Variants in NOX4 observed in about 807,000 individuals in gnomAD.
The protein encoded by NOX4 is kidney oxidase-1.
Under a neutral mutation model 87.6 loss-of-function variants are expected in NOX4, and 69 were observed. That is an observed-to-expected ratio of 0.79 (90% CI 0.65 to 0.96). NOX4 has a LOEUF of 0.96. NOX4 is among the 40% of genes least tolerant of loss of function. The pLI is 0.00. For missense variants in NOX4, 680 were observed against 681.5 expected (o/e 1.00, Z 0.02); for synonymous variants, 275 against 238.2 (o/e 1.15, Z -1.42).
At chr11:89,506,633 A>G in the NOX4 span, among the ~76,000 whole-genome samples, 1 of 151,844 alleles carries the variant, frequency 6.6e-6, no homozygotes, top group African/African-American at 2.4e-5. Context: ...TACTGTTAAG[A>G]GAATAAAAAC....
chr11:89,415,991 G>C (rs1345254181), intron 8 of NOX4, among the ~76,000 whole-genome samples: 1 of 152,110 alleles, frequency 6.6e-6, no homozygotes, highest in Admixed American at 6.6e-5. Context: ...TACACACACA[G>C]AGCCCCTATT....
rs181904599 is a variant in NOX4, at chr11:89,335,867, C to T, written c.1594G>A (p.Glu532Lys). The change falls in exon 17 of 18, where the codon GAA (glutamate) becomes AAA (lysine). Residue 532 changes from glutamate (E) to lysine (K), a missense_variant. By Grantham distance (56) the Glu-to-Lys change is moderately conservative. Transcript: ENST00000263317. The part of the protein sequence containing the change: ...GRPRWKLLFD[E>K]IAKYNRGKTV... ...TACCCTCTGTTATATTTTGCTATTT[C>T]ATCAAACAAAAGTTTCCACCGAGGA... 1 of 1,595,540 alleles carries T rather than the reference C, an allele frequency of 6.3e-7. No individual in the cohort carries two copies. Among genetic ancestry groups the T allele is most frequent in the African/African-American group, 1.3e-5 (1 of 74,368 alleles).
the NOX4 span, among the ~76,000 whole-genome samples, chr11:89,561,069 A>AT: frequency 2.6e-5 from 3 of 116,114 alleles, 1 homozygote; most frequent in Non-Finnish European, 5.3e-5. Context: ...ATATATATAT[A>AT]TATATATATA....
At chr11:89,562,263 A>G in the NOX4 span, among the ~76,000 whole-genome samples, 1 of 152,152 alleles carries the variant, frequency 6.6e-6, no homozygotes, top group African/African-American at 2.4e-5. Flanking sequence ...AAAATGAGAA[A>G]ACAGAATTGA....
chr11:89,346,579 A>AAATGGCTGTCAAAGGCACT (rs57544181), intron 13 of NOX4, among the ~76,000 whole-genome samples: 1 of 100,144 alleles, frequency 1.0e-5, no homozygotes, highest in Non-Finnish European at 1.9e-5. Flanking sequence ...CAAAGAAAGA[A>AAATGGCTGTCAAAGGCACT]AGATGGAGAA....
At chr11:89,452,415 C>A (rs1945002922) in intron 2 of NOX4, among the ~76,000 whole-genome samples, 1 of 152,176 alleles carries the variant, frequency 6.6e-6, no homozygotes, top group Non-Finnish European at 1.5e-5. Flanking sequence ...TCTTTCTGGT[C>A]ACATAGTAAG....
At chr11:89,451,110 G>T (rs1299805854) in intron 3 of NOX4, among the ~76,000 whole-genome samples, 1 of 151,190 alleles carries the variant, frequency 6.6e-6, no homozygotes, top group East Asian at 2.0e-4. Context: ...TATACCTAAT[G>T]TTAAATGACG....
intron 11 of NOX4, among the ~76,000 whole-genome samples, chr11:89,395,014 A>G (rs942903325): frequency 2.0e-5 from 3 of 152,124 alleles, no homozygotes; most frequent in Admixed American, 6.6e-5. Flanking sequence ...TTGGGTATAT[A>G]CCCAGTAATG....
At chr11:89,455,789 T>C (rs1945172520) in intron 2 of NOX4, among the ~76,000 whole-genome samples, 1 of 151,064 alleles carries the variant, frequency 6.6e-6, no homozygotes, top group Admixed American at 6.6e-5. Flanking sequence ...AGTTACATTA[T>C]TCTTACTCCC....
rs191758360 is a variant in NOX4 at position 89,388,151 on chromosome 11, T to C, written c.1074+11866A>G. Among the ~76,000 whole-genome samples the C allele has an allele frequency of 6.2e-3, 945 of 152,278 alleles. 5 individuals carry two copies. The highest frequency in any genetic ancestry group is 0.031 in the Middle Eastern group (9 of 294). ...TATGTACCTCAAATTTAATTTCTAGTTTTAAAAATGGAGAATTATCTCATA... is the reference window on the plus strand; with the variant it reads ...TATGTACCTCAAATTTAATTTCTAGCTTTAAAAATGGAGAATTATCTCATA... On this transcript the variant is annotated intron_variant, in intron 11 of 17. Transcript: ENST00000263317.
chr11:89,337,564 CTCAGAT>C (rs1489945519), intron 15 of NOX4, 49 bp from the exon 16 acceptor site: 1 of 1,597,194 alleles, frequency 6.3e-7, no homozygotes, highest in African/African-American at 1.3e-5. Context: ...TGTGGGTATA[CTCAGAT>C]TTTCTCCTAT....
intron 8 of NOX4, among the ~76,000 whole-genome samples, chr11:89,412,510 T>C (rs574013619): frequency 6.6e-6 from 1 of 152,172 alleles, no homozygotes; most frequent in East Asian, 1.9e-4. Flanking sequence ...AAGAGGAATT[T>C]TGGAAACTAT....
At chr11:89,395,656 A>G (rs192706711) in intron 11 of NOX4, among the ~76,000 whole-genome samples, 1 of 152,288 alleles carries the variant, frequency 6.6e-6, no homozygotes, top group East Asian at 1.9e-4. Context: ...TTAAGTCTTC[A>G]ATACATCTTG....
chr11:89,584,760 A>T, the NOX4 span, among the ~76,000 whole-genome samples: 2 of 152,188 alleles, frequency 1.3e-5, no homozygotes, highest in Non-Finnish European at 2.9e-5. Context: ...TACCTGAAAA[A>T]GAATGACTAA....
rs370661944 is a variant in NOX4, at chr11:89,405,892, C to T, written c.630-3350G>A. Among the ~76,000 whole-genome samples the T allele has an allele frequency of 2.0e-5, 3 of 152,034 alleles. No homozygotes were observed. In the East Asian group the frequency reaches 5.8e-4, roughly 29 times the overall value. On this transcript the variant is annotated intron_variant, in intron 8 of 17. Transcript: ENST00000263317. ...TCTGATTCCAAAGTCTGTGCTCCTTCCTCTGTACCAGGCCTATTCCCCTTG... is the reference window on the plus strand; with the variant it reads ...TCTGATTCCAAAGTCTGTGCTCCTTTCTCTGTACCAGGCCTATTCCCCTTG...
intron 12 of NOX4, among the ~76,000 whole-genome samples, chr11:89,363,381 T>A (rs1413884789): frequency 6.6e-6 from 1 of 152,112 alleles, no homozygotes; most frequent in Non-Finnish European, 1.5e-5. Flanking sequence ...TATTCACTTT[T>A]TCACTCATCT....
chr11:89,560,309 C>A, the NOX4 span, among the ~76,000 whole-genome samples: 1 of 152,108 alleles, frequency 6.6e-6, no homozygotes, highest in Non-Finnish European at 1.5e-5. Context: ...TCACAGGGAG[C>A]ATGGCCCTCC....
chr11:89,585,070 AT>A, the NOX4 span, among the ~76,000 whole-genome samples: 2 of 152,208 alleles, frequency 1.3e-5, no homozygotes, highest in East Asian at 3.9e-4. Flanking sequence ...CGAATTTTGT[AT>A]TGTCAGGTAT....
At chr11:89,386,880 T>C (rs1297818968) in intron 11 of NOX4, among the ~76,000 whole-genome samples, 1 of 152,158 alleles carries the variant, frequency 6.6e-6, no homozygotes, top group Non-Finnish European at 1.5e-5. Flanking sequence ...CTTGTTTTTC[T>C]CCTTCTCTTA....
Sources: gnomAD v4.1 joint callset for allele counts (sites outside exome capture counted in the v4.1 genomes callset) on GRCh38, gnomAD v4.1.1 for gene constraint, MANE v1.5 for transcripts, NCBI Gene and HGNC (gene_info 2026-07-23, HGNC 2026-07-21) for gene names.